The following SYNE1 variants were observed in gnomAD, a reference collection of about 807,000 sequenced individuals.
The protein encoded by SYNE1 is spectrin repeat containing nuclear envelope protein 1, also known as nesprin-1.
A neutral mutation model predicts 1,111.0 loss-of-function variants in SYNE1; 616 were observed. That is an observed-to-expected ratio of 0.55 (90% confidence interval 0.52 to 0.59). The LOEUF (loss-of-function observed/expected upper bound fraction) is 0.59. Among genes scored for constraint, SYNE1 ranks in the 20% least tolerant of loss-of-function variants. The pLI is 0.00. For synonymous variants in SYNE1, 3,855 were observed against 3,825.8 expected, an observed-to-expected ratio of 1.01 and a Z score of -0.28; for missense variants, 10,006 against 10,417.0, an observed-to-expected ratio of 0.96 and a Z score of 1.72.
At chr6:152,284,577 A>AGCTG (rs1264118328) in intron 95 of SYNE1, among the ~76,000 whole-genome samples, 1 of 149,858 alleles carries the variant, frequency 6.7e-6, no homozygotes, top group Non-Finnish European at 1.5e-5. Flanking sequence ...TCCTGCTTGA[A>AGCTG]GCTGGGACTG....
In SYNE1 at chr6:152,334,230, G is replaced by A. The variant is rs779519366; in HGVS notation, c.12572C>T (p.Thr4191Ile). The A allele has an allele frequency of 6.2e-7, 1 of 1,613,842 alleles. No homozygotes were observed. The highest frequency in any genetic ancestry group is 1.1e-5 in the South Asian group (1 of 91,076). ...KLQSKQASVN[T>I]IIEKVNKLTK... ...TAACTTATTCACCTTTTCTATTATG[G>A]TGTTCACGGATGCCTGTTTGCTCTG... The change falls in exon 77 of 146, where the codon ACC (threonine) becomes ATC (isoleucine). Residue 4191 changes from threonine to isoleucine, a missense_variant. Thr to Ile is a moderately conservative substitution (Grantham distance 89, BLOSUM62 -1). Around this residue, in one of 7 missense-constraint regions of SYNE1, gnomAD observed 4,955 missense variants for 5,017.2 expected, o/e 0.99. Coordinates refer to ENST00000367255, the MANE Select transcript of SYNE1 (RefSeq NM_182961.4).
chr6:152,249,412 ACTGGT>A, intron 104 of SYNE1, 150 bp from the exon 105 acceptor site: 1 of 681,210 alleles, frequency 1.5e-6, no homozygotes, highest in African/African-American at 1.8e-5. Context: ...GGTAAAAGGA[ACTGGT>A]AACAATTTAC....
chr6:152,468,173 T>C (rs2098782663), intron 16 of SYNE1, among the ~76,000 whole-genome samples: 1 of 152,138 alleles, frequency 6.6e-6, no homozygotes, highest in African/African-American at 2.4e-5. Flanking sequence ...AAGATGAGTG[T>C]AAATATAATA....
chr6:152,344,118 G>A lies in SYNE1; in HGVS notation c.12188C>T (p.Pro4063Leu). The A allele has an allele frequency of 6.2e-7, 1 of 1,614,222 alleles. No individual in the cohort carries two copies. The highest frequency in any genetic ancestry group is 8.5e-7 in the Non-Finnish European group (1 of 1,180,044). ...TTCTGCCCTACTAAGAGGTGGTTGA[G>A]GACTTGGCTCTAAATCCGGCTGGAC... ...SAVQPDLEPS[P>L]QPPLSRAEAI... Residue 4063 changes from proline to leucine, a missense_variant, in exon 74 of 146, where the codon CCT becomes CTT. Physicochemically the swap from Pro to Leu is moderately conservative, Grantham distance 98. This residue lies in a region of SYNE1 where 4,955 missense variants were observed against 5,017.2 expected (regional missense o/e 0.99). Transcript: ENST00000367255.
chr6:152,421,348 A>G (rs953961537), intron 39 of SYNE1, among the ~76,000 whole-genome samples: 1 of 152,186 alleles, frequency 6.6e-6, no homozygotes, highest in Non-Finnish European at 1.5e-5. Flanking sequence ...CGTAGCAGCA[A>G]AGCCAATTTT....
intron 39 of SYNE1, among the ~76,000 whole-genome samples, chr6:152,422,089 C>A (rs768547789): frequency 3.3e-5 from 5 of 152,162 alleles, no homozygotes; most frequent in Non-Finnish European, 7.3e-5. Flanking sequence ...AAGTAAACAA[C>A]CTATGTGCCT....
intron 97 of SYNE1, among the ~76,000 whole-genome samples, chr6:152,279,327 G>T (rs1406363295): frequency 6.7e-6 from 1 of 149,838 alleles, no homozygotes; most frequent in Non-Finnish European, 1.5e-5. Context: ...TGTTAATTCT[G>T]CACCCTTTGA....
rs1308614671 is a variant in SYNE1, at chr6:152,329,806, G to C, written c.14879C>G (p.Ser4960Cys). 1.2e-6 allele frequency: 2 copies of C among 1,614,202 alleles called. No homozygotes were observed. The highest frequency in any genetic ancestry group is 2.7e-5 in the African/African-American group (2 of 75,058). ...EKFTKAKELI[S>C]ADLEHSLAEL... is the part of the protein sequence containing the mutation. ...AGCGAGGCTGTGTTCTAAATCCGCA[G>C]AAATCAGCTCCTTGGCCTTTGTGAA... The change falls in exon 78 of 146, where the codon TCT becomes TGT. Residue 4960 changes from serine to cysteine, a missense_variant. By Grantham distance (112) the Ser-to-Cys change is moderately radical. Around this residue, in one of 7 missense-constraint regions of SYNE1, gnomAD observed 4,955 missense variants for 5,017.2 expected, o/e 0.99. Coordinates refer to ENST00000367255, the MANE Select transcript of SYNE1 (RefSeq NM_182961.4).
At chr6:152,557,689 T>C (rs2128195972) in intron 3 of SYNE1, among the ~76,000 whole-genome samples, 1 of 152,294 alleles carries the variant, frequency 6.6e-6, no homozygotes. Flanking sequence ...GGAAAAATAC[T>C]GTCAACCAAT....
chr6:152,138,948 T>C (rs1423679487), intron 140 of SYNE1, among the ~76,000 whole-genome samples: 1 of 152,210 alleles, frequency 6.6e-6, no homozygotes, highest in African/African-American at 2.4e-5. Context: ...CTCTATAGTT[T>C]TATTTATTAC....
At chr6:152,265,635 A>C (rs1285773618) in intron 100 of SYNE1, among the ~76,000 whole-genome samples, 1 of 152,170 alleles carries the variant, frequency 6.6e-6, no homozygotes, top group Non-Finnish European at 1.5e-5. Context: ...TCTTACATTT[A>C]ATCATTGACA....
At chr6:152,484,345 C>CA (rs1172372094) in intron 13 of SYNE1, among the ~76,000 whole-genome samples, 1 of 152,072 alleles carries the variant, frequency 6.6e-6, no homozygotes, top group Non-Finnish European at 1.5e-5. Context: ...AGATACTGAG[C>CA]AATTTTCCTT....
chr6:152,628,146 A>G (rs1397702411), intron 3 of SYNE1, 119 bp downstream of exon 3: 3 of 1,064,212 alleles, frequency 2.8e-6, no homozygotes, highest in Non-Finnish European at 4.4e-6. Flanking sequence ...GAATAAAGAC[A>G]TCCATCCCAT....
In SYNE1 at chr6:152,336,840, C is replaced by A; in HGVS notation, c.12528+1G>T. 1.2e-6 allele frequency: 2 copies of A among 1,613,018 alleles called. No individual in the cohort carries two copies. The highest frequency in any genetic ancestry group is 1.7e-6 in the Non-Finnish European group (2 of 1,180,024). ...TCCCTTGGGGGCAAATTAATTCCCA[C>A]CTTAACTTGTGAAACCATGTTCTGT... On this transcript the variant is annotated splice_donor_variant, in intron 76 of 145. Transcript: ENST00000367255. LOFTEE classifies it high-confidence loss of function.
intron 129 of SYNE1, 41 bp from the exon 130 acceptor site, chr6:152,176,601 T>C: frequency 6.3e-7 from 1 of 1,581,486 alleles, no homozygotes; most frequent in East Asian, 2.2e-5. Flanking sequence ...GAAAGCATAT[T>C]CTTAATACAT....
rs769511271 is a variant in SYNE1 at position 152,334,018 on chromosome 6, T to C, written c.12784A>G (p.Asn4262Asp). 1.2e-6 allele frequency: 2 copies of C among 1,614,050 alleles called. No individual in the cohort carries two copies. The highest frequency in any genetic ancestry group is 3.3e-5 in the Admixed American group (2 of 60,000). The change falls in exon 77 of 146, where the codon AAC becomes GAC. Residue 4262 changes from asparagine to aspartate, a missense_variant. Around this residue, in one of 7 missense-constraint regions of SYNE1, gnomAD observed 4,955 missense variants for 5,017.2 expected, o/e 0.99. Transcript: ENST00000367255. ...FLEKFTTEWD[N>D]LARSDAESTA... ...GAGAATTTCTGTTACCTGGCCAAGT[T>C]ATCCCATTCTGTAGTAAATTTTTCT...
At chr6:152,125,656 G>A (rs922193598) in intron 145 of SYNE1, 4 of 256,632 alleles carry the variant, frequency 1.6e-5, no homozygotes, top group African/African-American at 8.8e-5. Flanking sequence ...ACTGAAGAGA[G>A]CTCCCACAAT....
rs1332346339 is a variant in SYNE1, at chr6:152,466,089, A to G, written c.1633-11T>C. On this transcript the variant is annotated splice_polypyrimidine_tract_variant and intron_variant, in intron 16 of 145. Coordinates refer to ENST00000367255, the MANE Select transcript of SYNE1 (RefSeq NM_182961.4). ...ATTTTCTATAAAAGACTAGAAAAGG[A>G]GGAATGGTTAGAAGATAGCAAACAT... The G allele has an allele frequency of 5.2e-6, 8 of 1,530,934 alleles. No homozygotes were observed. Among genetic ancestry groups the G allele is most frequent in the Non-Finnish European group, 7.2e-6 (8 of 1,105,100 alleles). The allele number at this position is 1,530,934 out of a possible 1,614,324, so 94.8% of individuals were successfully genotyped here. A position where few individuals can be genotyped will look rare whatever the true frequency, so the allele number is the denominator to read the frequency against.
chr6:152,231,370 A>G, intron 114 of SYNE1, 21 bp downstream of exon 114: 3 of 1,613,810 alleles, frequency 1.9e-6, no homozygotes, highest in Non-Finnish European at 2.5e-6. Context: ...AAATCTGGAC[A>G]GTGGGAAGCC....
Sources: gnomAD v4.1 joint callset for allele counts (sites outside exome capture counted in the v4.1 genomes callset) on GRCh38, gnomAD v4.1.1 for gene constraint, gnomAD v4.1.1 regional missense constraint, MANE v1.5 for transcripts, NCBI Gene and HGNC (gene_info 2026-07-23, HGNC 2026-07-21) for gene names.